ADGRV1: variants seen among roughly 807,000 people sequenced by gnomAD.
ADGRV1 encodes the protein adhesion G protein-coupled receptor V1, also known as G-protein coupled receptor 98.
Under a neutral mutation model 596.2 loss-of-function variants are expected in ADGRV1, and 359 were observed. That is an observed-to-expected ratio of 0.60 (90% CI 0.55 to 0.66). ADGRV1 has a LOEUF of 0.66. Ranked by LOEUF, ADGRV1 falls within the 30% of genes least tolerant of loss-of-function variation. The pLI is 0.00. For synonymous variants in ADGRV1, 2,681 were observed against 2,679.2 expected, an observed-to-expected ratio of 1.00 and a Z score of -0.02; for missense variants, 7,274 against 7,575.6, an observed-to-expected ratio of 0.96 and a Z score of 1.48.
At chr5:91,082,328 G>A (rs533066752) in intron 86 of ADGRV1, among the ~76,000 whole-genome samples, 2 of 152,186 alleles carry the variant, frequency 1.3e-5, no homozygotes, top group African/African-American at 4.8e-5. Context: ...TTTCCTGGCA[G>A]ATCCTATTTT....
intron 50 of ADGRV1, among the ~76,000 whole-genome samples, chr5:90,731,099 T>G (rs1752483287): frequency 6.6e-6 from 1 of 152,156 alleles, no homozygotes; most frequent in Non-Finnish European, 1.5e-5. Flanking sequence ...TAGAAAACTA[T>G]CTGAAACTGG....
At chr5:90,816,550 A>G (rs1303104487) in intron 75 of ADGRV1, among the ~76,000 whole-genome samples, 1 of 147,812 alleles carries the variant, frequency 6.8e-6, no homozygotes, top group African/African-American at 2.5e-5. Flanking sequence ...TCCTAATGCT[A>G]TCCTTCCCCC....
intron 85 of ADGRV1, among the ~76,000 whole-genome samples, chr5:91,001,088 C>A (rs1781820148): frequency 6.6e-6 from 1 of 152,010 alleles, no homozygotes; most frequent in Non-Finnish European, 1.5e-5. Flanking sequence ...TTCCATTTTT[C>A]TTTTATTTTT....
chr5:90,893,534 C>T (rs916341717), intron 83 of ADGRV1, among the ~76,000 whole-genome samples: 3 of 152,028 alleles, frequency 2.0e-5, no homozygotes, highest in Admixed American at 6.6e-5. Flanking sequence ...TCAAACTATT[C>T]GACAAGTTTT....
At position 90,596,351 on chromosome 5, in the gene ADGRV1, G is replaced by A. The variant is rs1335986957; in HGVS notation, c.23-18484G>A. Among the ~76,000 whole-genome samples the A allele has an allele frequency of 5.9e-5, 9 of 151,332 alleles. No homozygotes were observed. The South Asian group carries it at 6.3e-4, about 11-fold the overall frequency. ...GCTCCTCACATCCCAGACGATGGGC[G>A]GCCAGGCAGAGACGCTCCTCACTTC... On this transcript the variant is annotated intron_variant, in intron 1 of 89. Coordinates refer to ENST00000405460, the MANE Select transcript of ADGRV1 (RefSeq NM_032119.4).
At chr5:91,095,420 A>G (rs1204119848) in intron 86 of ADGRV1, among the ~76,000 whole-genome samples, 4 of 152,086 alleles carry the variant, frequency 2.6e-5, no homozygotes, top group African/African-American at 9.7e-5. Context: ...GGCTGACCCC[A>G]GTCTTTAACT....
chr5:90,662,287 G>A (rs1405005264), intron 21 of ADGRV1, among the ~76,000 whole-genome samples: 5 of 143,088 alleles, frequency 3.5e-5, no homozygotes, highest in Non-Finnish European at 4.5e-5. Flanking sequence ...TCCACCTCCC[G>A]GGTTCACGCC....
At chr5:90,795,093 T>G (rs1213825289) in intron 70 of ADGRV1, among the ~76,000 whole-genome samples, 3 of 150,390 alleles carry the variant, frequency 2.0e-5, no homozygotes, top group African/African-American at 2.4e-5. Context: ...GAAGTTTTTT[T>G]TTTTTTTTTT....
intron 81 of ADGRV1, among the ~76,000 whole-genome samples, 185 bp downstream of exon 81, chr5:90,854,386 A>G (rs575361702): frequency 2.0e-5 from 3 of 152,318 alleles, no homozygotes; most frequent in African/African-American, 7.2e-5. Context: ...TGGCAAATGC[A>G]GCCCAGCATT....
chr5:90,973,542 T>A (rs550971906), intron 84 of ADGRV1, among the ~76,000 whole-genome samples: 2 of 152,260 alleles, frequency 1.3e-5, no homozygotes, highest in African/African-American at 4.8e-5. Context: ...CAAGGCTGGT[T>A]CAACATATGC....
chr5:90,632,250 A>G (rs1765601168), intron 9 of ADGRV1, among the ~76,000 whole-genome samples: 1 of 152,116 alleles, frequency 6.6e-6, no homozygotes, highest in African/African-American at 2.4e-5. Context: ...TGAGACAGAG[A>G]TTTTTACACA....
intron 9 of ADGRV1, among the ~76,000 whole-genome samples, chr5:90,632,208 A>G (rs548309270): frequency 2.0e-5 from 3 of 152,070 alleles, no homozygotes; most frequent in Non-Finnish European, 2.9e-5. Flanking sequence ...TCTACAACTC[A>G]TGCAAGAACC....
intron 74 of ADGRV1, among the ~76,000 whole-genome samples, chr5:90,812,654 T>G (rs1396412033): frequency 6.6e-6 from 1 of 152,226 alleles, no homozygotes; most frequent in East Asian, 1.9e-4. Context: ...TTGCAATCTT[T>G]TAACTTCCTT....
At chr5:90,923,640 A>G (rs543061614) in intron 83 of ADGRV1, among the ~76,000 whole-genome samples, 7 of 151,864 alleles carry the variant, frequency 4.6e-5, no homozygotes, top group African/African-American at 1.7e-4. Context: ...CTTTTTTTTT[A>G]TTATTATACT....
chr5:90,744,270 C>T (rs1189596569), intron 50 of ADGRV1, among the ~76,000 whole-genome samples: 1 of 152,210 alleles, frequency 6.6e-6, no homozygotes, highest in Non-Finnish European at 1.5e-5. Context: ...ATGTGAGCCA[C>T]TGCACCCAGC....
At chr5:91,058,985 T>G (rs1787156185) in intron 85 of ADGRV1, among the ~76,000 whole-genome samples, 1 of 152,218 alleles carries the variant, frequency 6.6e-6, no homozygotes, top group Non-Finnish European at 1.5e-5. Context: ...AGCACTTTTC[T>G]CTGACACATA....
rs916012085 is a variant in ADGRV1 at position 90,938,769 on chromosome 5, A to C, written c.17857-26646A>C. On this transcript the variant is annotated intron_variant, in intron 83 of 89. Transcript: ENST00000405460. ...GAGAGGGTTTTTATTAATCACTGAA[A>C]CACTGAAGAAAGTATAATTCTAGGA... is the stretch of plus-strand genomic sequence containing the variant. Among the ~76,000 whole-genome samples the C allele has an allele frequency of 5.2e-4, 79 of 152,332 alleles. 1 individual carries two copies. The highest frequency in any genetic ancestry group is 3.4e-3 in the Middle Eastern group (1 of 294).
chr5:90,932,566 A>C (rs540087713), intron 83 of ADGRV1, among the ~76,000 whole-genome samples: 15 of 152,226 alleles, frequency 9.9e-5, no homozygotes, highest in Admixed American at 9.2e-4. Flanking sequence ...AATGTGTTTG[A>C]TATCAAGTGT....
At chr5:90,688,071 A>G (rs201431081) in intron 29 of ADGRV1, among the ~76,000 whole-genome samples, 1 of 152,120 alleles carries the variant, frequency 6.6e-6, no homozygotes, top group Non-Finnish European at 1.5e-5. Flanking sequence ...GAACCAAAAA[A>G]GAGCCCGCAT....
Sources: allele counts gnomAD v4.1 joint callset (sites outside exome capture counted in the v4.1 genomes callset), GRCh38; gene constraint gnomAD v4.1.1; transcripts MANE v1.5; gene names NCBI Gene and HGNC (gene_info 2026-07-23, HGNC 2026-07-21).